Variants in CSGALNACT1 observed in about 807,000 individuals in gnomAD.
CSGALNACT1 encodes the protein chondroitin sulfate N-acetylgalactosaminyltransferase 1, also known as beta4GalNAcT-1.
CSGALNACT1 carries 52 observed loss-of-function variants against 51.0 expected under a neutral mutation model. The ratio of observed to expected loss-of-function variants is 1.02; its 90% CI spans 0.82 to 1.29. CSGALNACT1 has a LOEUF of 1.29. Among genes scored for constraint, CSGALNACT1 ranks in the 50% most tolerant of loss-of-function variants. The pLI, the probability that CSGALNACT1 is intolerant of heterozygous loss-of-function variation, is 0.00. For synonymous variants in CSGALNACT1, 341 were observed against 254.4 expected, an observed-to-expected ratio of 1.34 and a Z score of -3.24; for missense variants, 935 against 679.2, an observed-to-expected ratio of 1.38 and a Z score of -4.19.
intron 1 of CSGALNACT1, among the ~76,000 whole-genome samples, chr8:19,635,998 G>A (rs2056004600): frequency 6.6e-6 from 1 of 152,166 alleles, no homozygotes; most frequent in Non-Finnish European, 1.5e-5. Flanking sequence ...CCAATGTGCT[G>A]AGATTACAGG....
At chr8:19,546,669 G>T (rs1369223748) in intron 3 of CSGALNACT1, among the ~76,000 whole-genome samples, 1 of 152,102 alleles carries the variant, frequency 6.6e-6, no homozygotes, top group Non-Finnish European at 1.5e-5. Flanking sequence ...ACCCATTCTT[G>T]GGAATATCTG....
chr8:19,742,437 C>T (rs1009138168), intron 1 of CSGALNACT1, among the ~76,000 whole-genome samples: 6 of 152,184 alleles, frequency 3.9e-5, no homozygotes, highest in Non-Finnish European at 7.3e-5. Flanking sequence ...TTACTTAAGA[C>T]CTGATCACTG....
At chr8:19,455,441 T>G (rs943041453) in intron 5 of CSGALNACT1, among the ~76,000 whole-genome samples, 2 of 152,240 alleles carry the variant, frequency 1.3e-5, no homozygotes, top group African/African-American at 4.8e-5. Flanking sequence ...CCTTTATATT[T>G]TCTCCCAGTA....
intron 1 of CSGALNACT1, among the ~76,000 whole-genome samples, chr8:19,617,781 T>C (rs887360755): frequency 1.3e-5 from 2 of 152,230 alleles, no homozygotes; most frequent in African/African-American, 2.4e-5. Flanking sequence ...AAAATAAAAT[T>C]GTGCTGATTT....
In CSGALNACT1 at chr8:19,405,699, G is replaced by A. The variant is rs1345668231; in HGVS notation, c.*81C>T. The A allele has an allele frequency of 1.9e-6, 3 of 1,559,410 alleles. No individual in the cohort carries two copies. The Admixed American group carries it at 5.0e-5, about 26-fold the overall frequency. ...TCCAATTCTTTTGTCGTCCTTTATG[G>A]AAGTCTTTTCTCTGTTGCAGCCACT... On this transcript the variant is annotated 3_prime_UTR_variant, in exon 10 of 10. Transcript: ENST00000454498.
chr8:19,693,846 T>C (rs2061451714), intron 1 of CSGALNACT1, among the ~76,000 whole-genome samples: 2 of 152,186 alleles, frequency 1.3e-5, no homozygotes, highest in African/African-American at 2.4e-5. Flanking sequence ...GGTGCAAAAG[T>C]AATTACGGTT....
chr8:19,565,857 G>A lies in CSGALNACT1; in HGVS notation c.-297+25303C>T, dbSNP rs377565494. On this transcript the variant is annotated intron_variant, in intron 3 of 9. Coordinates refer to ENST00000454498, the Ensembl canonical transcript of CSGALNACT1. ...ACCCAGGAGGCAGAGGTTGCAGTGA[G>A]CCGAGATCGTGCCACTGCACTCCAG... Among the ~76,000 whole-genome samples the A allele has an allele frequency of 2.0e-5, 3 of 152,324 alleles. No individual in the cohort carries two copies. In the East Asian group the frequency reaches 5.8e-4, roughly 29 times the overall value.
chr8:19,564,317 A>C (rs1195716489), intron 3 of CSGALNACT1, among the ~76,000 whole-genome samples: 1 of 152,144 alleles, frequency 6.6e-6, no homozygotes, highest in South Asian at 2.1e-4. Flanking sequence ...AAAACAAAAC[A>C]AAATAAAAAC....
At chr8:19,413,678 C>A (rs1352566043) in intron 8 of CSGALNACT1, among the ~76,000 whole-genome samples, 3 of 152,170 alleles carry the variant, frequency 2.0e-5, no homozygotes, top group African/African-American at 7.2e-5. Context: ...AGAGAGAGGG[C>A]AAGGACAGAA....
chr8:19,637,051 T>G (rs2056167126), intron 1 of CSGALNACT1, among the ~76,000 whole-genome samples: 1 of 151,686 alleles, frequency 6.6e-6, no homozygotes, highest in African/African-American at 2.4e-5. Flanking sequence ...AATAGAACAA[T>G]TAGCCAGACA....
At chr8:19,667,040 G>GAAGGAAGGAAGGAAGAAAGA in intron 1 of CSGALNACT1, among the ~76,000 whole-genome samples, 1 of 34,968 alleles carries the variant, frequency 2.9e-5, no homozygotes, top group South Asian at 1.0e-3. Flanking sequence ...AGGAAGGAAG[G>GAAGGAAGGAAGGAAGAAAGA]AAGAAAGAAA....
intron 4 of CSGALNACT1, among the ~76,000 whole-genome samples, chr8:19,464,318 G>C (rs996334161): frequency 6.6e-6 from 1 of 152,054 alleles, no homozygotes; most frequent in African/African-American, 2.4e-5. Flanking sequence ...GCCCTTATGT[G>C]TTCACAGCAC....
chr8:19,425,394 G>C (rs544590485), intron 6 of CSGALNACT1, among the ~76,000 whole-genome samples: 6 of 152,164 alleles, frequency 3.9e-5, no homozygotes, highest in Admixed American at 3.9e-4. Context: ...GACAGTAGCT[G>C]TAACTTCACA....
chr8:19,627,190 T>C (rs1350258843), intron 1 of CSGALNACT1, among the ~76,000 whole-genome samples: 1 of 152,184 alleles, frequency 6.6e-6, no homozygotes, highest in Non-Finnish European at 1.5e-5. Context: ...TCCATCCATT[T>C]AATGGCATAT....
At chr8:19,470,601 C>A (rs1479395587) in intron 4 of CSGALNACT1, among the ~76,000 whole-genome samples, 1 of 152,104 alleles carries the variant, frequency 6.6e-6, no homozygotes, top group Non-Finnish European at 1.5e-5. Flanking sequence ...TAACAGGTAG[C>A]TGGGCATGAG....
chr8:19,476,265 G>C (rs970074999), intron 4 of CSGALNACT1, among the ~76,000 whole-genome samples: 1 of 152,114 alleles, frequency 6.6e-6, no homozygotes, highest in Admixed American at 6.5e-5. Context: ...TTGAGATGGA[G>C]ATTCACTCTT....
chr8:19,412,672 C>T (rs4537313), intron 8 of CSGALNACT1, among the ~76,000 whole-genome samples: 137,955 of 152,274 alleles, frequency 0.91, 62,522 homozygotes, highest in East Asian at 1. Flanking sequence ...TGGAAGGCCC[C>T]AAGGCCTGCT....
chr8:19,457,034 T>C (rs957062542), intron 5 of CSGALNACT1, among the ~76,000 whole-genome samples: 3 of 152,194 alleles, frequency 2.0e-5, no homozygotes, highest in African/African-American at 7.2e-5. Flanking sequence ...TATCCAGAGA[T>C]GATCAACAAA....
intron 1 of CSGALNACT1, among the ~76,000 whole-genome samples, chr8:19,629,022 G>C (rs760628095): frequency 9.9e-5 from 15 of 152,168 alleles, no homozygotes; most frequent in South Asian, 2.1e-4. Flanking sequence ...AGAAACTGGA[G>C]AGAGGGAAGG....
Sources: allele counts gnomAD v4.1 joint callset (sites outside exome capture counted in the v4.1 genomes callset), GRCh38; gene constraint gnomAD v4.1.1; transcripts MANE v1.5; gene names NCBI Gene and HGNC (gene_info 2026-07-23, HGNC 2026-07-21).